The following BRD4 variants were observed in gnomAD, a reference collection of about 807,000 sequenced individuals.
The protein encoded by BRD4 is bromodomain containing 4.
BRD4 carries 16 observed loss-of-function variants against 142.1 expected under a neutral mutation model. That is an observed-to-expected ratio of 0.11 (90% CI 0.08 to 0.17). The LOEUF is 0.17. BRD4 is among the 10% of genes least tolerant of loss of function. BRD4 has a pLI of 1.00. For synonymous variants in BRD4, 833 were observed against 707.5 expected, an observed-to-expected ratio of 1.18 and a Z score of -2.82; for missense variants, 1,424 against 1,810.9, an observed-to-expected ratio of 0.79 and a Z score of 3.88.
rs181687914 is a variant in BRD4, at chr19:15,235,614, C to A, written c.*2763G>T. 6.6e-6 allele frequency: 1 copy of A among 151,836 alleles called. No homozygotes were observed. Among genetic ancestry groups the A allele is most frequent in the African/African-American group, 2.4e-5 (1 of 41,422 alleles). The allele number at this position is 151,836 out of a possible 1,614,324, so 9.4% of individuals were successfully genotyped here. ...TATGTAAGTGAAAAGTCTACGAATT[C>A]CCTTCTACAAATGTCTAAAGTGTTT... On this transcript the variant is annotated 3_prime_UTR_variant, in exon 20 of 20. Transcript: ENST00000679869.
chr19:15,321,121 C>T (rs1316658952), intron 1 of BRD4, among the ~76,000 whole-genome samples: 3 of 152,104 alleles, frequency 2.0e-5, no homozygotes, highest in Admixed American at 2.0e-4. Context: ...CTAATCCCAG[C>T]TACTCGGGAG....
intron 4 of BRD4, among the ~76,000 whole-genome samples, chr19:15,266,494 G>A (rs186427354): frequency 1.1e-4 from 16 of 152,274 alleles, no homozygotes; most frequent in African/African-American, 2.2e-4. Flanking sequence ...ATGCCACCAC[G>A]TCTGTCTGCC....
intron 11 of BRD4, among the ~76,000 whole-genome samples, chr19:15,250,216 G>A (rs955819896): frequency 2.6e-5 from 4 of 152,230 alleles, no homozygotes; most frequent in African/African-American, 7.2e-5. Context: ...CCCTCCAGCT[G>A]CAAATGCTGG....
At chr19:15,269,100 T>TG in intron 2 of BRD4, 58 bp from the exon 3 acceptor site, 1 of 1,598,798 alleles carries the variant, frequency 6.3e-7, no homozygotes, top group Non-Finnish European at 8.5e-7. Flanking sequence ...GCACAAACGC[T>TG]GGGCTGGCCA....
At chr19:15,277,713 C>T (rs565748964) in intron 1 of BRD4, among the ~76,000 whole-genome samples, 3 of 151,890 alleles carry the variant, frequency 2.0e-5, no homozygotes, top group Non-Finnish European at 2.9e-5. Context: ...TTACTTAAAC[C>T]CAGGAGGTGG....
intron 1 of BRD4, among the ~76,000 whole-genome samples, chr19:15,284,200 G>C (rs925009740): frequency 1.3e-5 from 2 of 152,202 alleles, no homozygotes; most frequent in Non-Finnish European, 2.9e-5. Context: ...AATGGCTTCA[G>C]ACAAGAAGAC....
At chr19:15,301,073 A>G (rs1415905739) in intron 1 of BRD4, among the ~76,000 whole-genome samples, 1 of 152,226 alleles carries the variant, frequency 6.6e-6, no homozygotes, top group Non-Finnish European at 1.5e-5. Flanking sequence ...GGGTCTATCC[A>G]TATGATGAAA....
At chr19:15,319,125 CAGG>C (rs1229231448) in intron 1 of BRD4, among the ~76,000 whole-genome samples, 2 of 152,098 alleles carry the variant, frequency 1.3e-5, no homozygotes, top group African/African-American at 4.8e-5. Flanking sequence ...TGCTCAAGTT[CAGG>C]AGTTCAAGAC....
intron 1 of BRD4, among the ~76,000 whole-genome samples, chr19:15,283,114 C>T (rs1238569037): frequency 6.6e-6 from 1 of 152,128 alleles, no homozygotes; most frequent in Admixed American, 6.5e-5. Context: ...GTGAGCTGGG[C>T]ACTTTGCTCT....
intron 1 of BRD4, among the ~76,000 whole-genome samples, chr19:15,301,576 A>G (rs981151980): frequency 7.0e-6 from 1 of 143,286 alleles, no homozygotes; most frequent in Admixed American, 7.0e-5. Context: ...ACAAAAAAAA[A>G]AAAGGCTGGG....
At chr19:15,267,631 C>T in intron 3 of BRD4, 80 bp from the exon 4 acceptor site, 3 of 1,496,394 alleles carry the variant, frequency 2.0e-6, no homozygotes, top group Non-Finnish European at 2.7e-6. Flanking sequence ...ATGCCACCCA[C>T]CCCCTGCCCC....
chr19:15,330,686 G>C (rs951695872), intron 1 of BRD4, among the ~76,000 whole-genome samples: 2 of 152,138 alleles, frequency 1.3e-5, no homozygotes, highest in African/African-American at 4.8e-5. Context: ...AGAATCGCTT[G>C]AACCCAGGAG....
At chr19:15,256,780 A>G (rs541374957) in intron 8 of BRD4, among the ~76,000 whole-genome samples, 184 bp downstream of exon 8, 1 of 152,214 alleles carries the variant, frequency 6.6e-6, no homozygotes, top group South Asian at 2.1e-4. Context: ...CAACACATAT[A>G]TCATACATAC....
chr19:15,240,372 T>A (rs922171847), intron 14 of BRD4, among the ~76,000 whole-genome samples: 8 of 152,202 alleles, frequency 5.3e-5, no homozygotes, highest in African/African-American at 1.9e-4. Context: ...ACACAGATCC[T>A]GACACATGTG....
chr19:15,257,220 G>A (rs749727367), intron 7 of BRD4, 47 bp from the exon 8 acceptor site: 17 of 1,531,260 alleles, frequency 1.1e-5, no homozygotes, highest in Middle Eastern at 2.4e-4. Context: ...TACCCAGGCC[G>A]CGGCCTAGCA....
At chr19:15,312,942 A>C (rs1446252121) in intron 1 of BRD4, among the ~76,000 whole-genome samples, 1 of 151,930 alleles carries the variant, frequency 6.6e-6, no homozygotes, top group Non-Finnish European at 1.5e-5. Context: ...AAAACAAAAC[A>C]AAGATGTCAG....
At chr19:15,297,450 C>G (rs75951042) in intron 1 of BRD4, among the ~76,000 whole-genome samples, 3,838 of 152,304 alleles carry the variant, frequency 0.025, 161 homozygotes, top group African/African-American at 0.089. Context: ...ACCGAACCCC[C>G]CCAAACCCTG....
intron 14 of BRD4, among the ~76,000 whole-genome samples, chr19:15,242,622 C>G (rs532213205): frequency 6.6e-6 from 1 of 152,244 alleles, no homozygotes; most frequent in South Asian, 2.1e-4. Flanking sequence ...CTAGCTTCCC[C>G]ACCTAGCAAG....
chr19:15,323,178 T>TTAAAAA (rs1555748003), intron 1 of BRD4, among the ~76,000 whole-genome samples: 1 of 73,050 alleles, frequency 1.4e-5, no homozygotes, highest in African/African-American at 6.1e-5. Context: ...TCCATCTCTT[T>TTAAAAA]AAAAAAAAAA....
Sources: gnomAD v4.1 joint callset for allele counts (sites outside exome capture counted in the v4.1 genomes callset) on GRCh38, gnomAD v4.1.1 for gene constraint, MANE v1.5 for transcripts, NCBI Gene and HGNC (gene_info 2026-07-23, HGNC 2026-07-21) for gene names.